The following MAP4K4 variants were observed in gnomAD, a reference collection of about 807,000 sequenced individuals.
MAP4K4 encodes the protein HPK/GCK-like kinase HGK.
In MAP4K4, 38 loss-of-function variants were observed where a neutral mutation model predicts 189.6. The observed-to-expected ratio is 0.20, with a 90% CI of 0.15 to 0.26. The LOEUF (loss-of-function observed/expected upper bound fraction) is 0.26, where lower values mean the gene tolerates loss of function less well. Among genes scored for constraint, MAP4K4 ranks in the 10% least tolerant of loss-of-function variants. The pLI is 1.00. For synonymous variants in MAP4K4, 610 were observed against 624.3 expected, an observed-to-expected ratio of 0.98 and a Z score of 0.34; for missense variants, 1,054 against 1,726.9, an observed-to-expected ratio of 0.61 and a Z score of 6.91.
intron 28 of MAP4K4, among the ~76,000 whole-genome samples, chr2:101,884,791 G>C (rs1206763957): frequency 6.6e-6 from 1 of 152,126 alleles, no homozygotes. Flanking sequence ...CCCCATGCAG[G>C]ACTAGGGAAA....
chr2:101,776,507 A>T lies in MAP4K4; in HGVS notation c.124-14213A>T, dbSNP rs567575659. Among the ~76,000 whole-genome samples, 15 of 151,148 alleles carry T rather than the reference A, an allele frequency of 9.9e-5. 1 individual carries two copies. Among genetic ancestry groups the T allele is most frequent in the East Asian group, 1.9e-4 (1 of 5,152 alleles). On this transcript the variant is annotated intron_variant, in intron 2 of 32. Transcript: ENST00000324219. ...CAAGAGAAGCTAGAAATCTGGGTTT[A>T]AAAAAAAATATACAGCTTTCTAATT...
chr2:101,804,032 G>A (rs1345909794), intron 3 of MAP4K4, among the ~76,000 whole-genome samples: 1 of 152,150 alleles, frequency 6.6e-6, no homozygotes, highest in Admixed American at 6.5e-5. Flanking sequence ...CAGCGTTGCG[G>A]GAAGCCAGGC....
chr2:101,879,682 A>C (rs2098326644), intron 27 of MAP4K4, among the ~76,000 whole-genome samples: 1 of 152,218 alleles, frequency 6.6e-6, no homozygotes, highest in South Asian at 2.1e-4. Flanking sequence ...GAACATTGCC[A>C]GCACCCCAAA....
At chr2:101,733,419 T>C (rs1436018470) in intron 2 of MAP4K4, among the ~76,000 whole-genome samples, 3 of 152,222 alleles carry the variant, frequency 2.0e-5, no homozygotes, top group Admixed American at 1.3e-4. Context: ...CATGAGATCA[T>C]GCAGCAAGTT....
At chr2:101,715,389 G>A (rs1477316776) in intron 2 of MAP4K4, among the ~76,000 whole-genome samples, 3 of 152,112 alleles carry the variant, frequency 2.0e-5, no homozygotes, top group South Asian at 2.1e-4. Context: ...GGGGGATCAC[G>A]GTTTCAGCCC....
intron 2 of MAP4K4, among the ~76,000 whole-genome samples, chr2:101,770,263 T>G (rs1447099692): frequency 6.8e-6 from 1 of 147,540 alleles, no homozygotes; most frequent in Non-Finnish European, 1.5e-5. Flanking sequence ...TTTTTTTTTT[T>G]TTGAGACGGA....
chr2:101,870,246 C>G, intron 22 of MAP4K4, 49 bp from the exon 23 acceptor site: 1 of 1,595,846 alleles, frequency 6.3e-7, no homozygotes, highest in Non-Finnish European at 8.6e-7. Flanking sequence ...ACAGGATCTC[C>G]TTGACTCCAG....
intron 27 of MAP4K4, among the ~76,000 whole-genome samples, chr2:101,878,607 T>A (rs1330293195): frequency 6.6e-6 from 1 of 152,204 alleles, no homozygotes; most frequent in Non-Finnish European, 1.5e-5. Flanking sequence ...TTCACAGATA[T>A]CCTTGTAGCT....
chr2:101,819,852 G>A (rs938810190), intron 3 of MAP4K4, among the ~76,000 whole-genome samples: 25 of 152,324 alleles, frequency 1.6e-4, no homozygotes, highest in African/African-American at 5.8e-4. Context: ...ATGGTCGACA[G>A]TGCTTCATGG....
chr2:101,825,215 A>C, intron 4 of MAP4K4, 104 bp from the exon 5 acceptor site: 2 of 628,328 alleles, frequency 3.2e-6, no homozygotes, highest in East Asian at 5.8e-5. Flanking sequence ...ATTGAGGAGC[A>C]TCACGTTTCT....
At chr2:101,842,771 C>T in intron 11 of MAP4K4, 90 bp downstream of exon 11, 1 of 879,964 alleles carries the variant, frequency 1.1e-6, no homozygotes, top group Non-Finnish European at 1.7e-6. Flanking sequence ...CTGTGTGGTA[C>T]AAAGAATCTT....
intron 2 of MAP4K4, among the ~76,000 whole-genome samples, chr2:101,787,145 C>G (rs995082501): frequency 1.8e-4 from 27 of 152,184 alleles, no homozygotes; most frequent in Non-Finnish European, 2.9e-5. Context: ...TTCAGAATCT[C>G]TCCATGCACA....
At chr2:101,730,244 T>G (rs539909477) in intron 2 of MAP4K4, among the ~76,000 whole-genome samples, 7 of 152,308 alleles carry the variant, frequency 4.6e-5, no homozygotes, top group African/African-American at 1.7e-4. Flanking sequence ...TAGATGGTCT[T>G]TGGGATTATA....
intron 10 of MAP4K4, among the ~76,000 whole-genome samples, chr2:101,842,130 T>G (rs1286664831): frequency 6.6e-6 from 1 of 152,248 alleles, no homozygotes. Flanking sequence ...TGTTTCACTT[T>G]GTGTCCATCT....
chr2:101,744,905 C>T (rs548740245), intron 2 of MAP4K4, among the ~76,000 whole-genome samples: 2 of 152,170 alleles, frequency 1.3e-5, no homozygotes, highest in South Asian at 4.1e-4. Context: ...CTTTAAGCAC[C>T]AGGAGTTTAG....
At chr2:101,868,275 T>C (rs1055873546) in intron 21 of MAP4K4, among the ~76,000 whole-genome samples, 17 of 152,202 alleles carry the variant, frequency 1.1e-4, no homozygotes, top group Non-Finnish European at 2.5e-4. Flanking sequence ...AACCACGAAA[T>C]ACTAATAGCA....
At chr2:101,777,643 G>C (rs544745082) in intron 2 of MAP4K4, among the ~76,000 whole-genome samples, 1 of 152,178 alleles carries the variant, frequency 6.6e-6, no homozygotes, top group South Asian at 2.1e-4. Flanking sequence ...CTCTGCCAGG[G>C]TTTTCCCTGT....
At chr2:101,771,383 G>A (rs2081344954) in intron 2 of MAP4K4, among the ~76,000 whole-genome samples, 1 of 152,168 alleles carries the variant, frequency 6.6e-6, no homozygotes, top group South Asian at 2.1e-4. Context: ...AGATGGCAGT[G>A]GAACGGTGCC....
chr2:101,856,649 C>G (rs1443684929), intron 13 of MAP4K4, among the ~76,000 whole-genome samples: 1 of 152,038 alleles, frequency 6.6e-6, no homozygotes, highest in Non-Finnish European at 1.5e-5. Flanking sequence ...CAAAAAAGAT[C>G]AGGTTTTAAT....
Sources: allele counts gnomAD v4.1 joint callset (sites outside exome capture counted in the v4.1 genomes callset), GRCh38; gene constraint gnomAD v4.1.1; transcripts MANE v1.5; gene names NCBI Gene and HGNC (gene_info 2026-07-23, HGNC 2026-07-21).